The following TMEM45A variants were observed in gnomAD, a reference collection of about 807,000 sequenced individuals.
The protein encoded by TMEM45A is transmembrane protein 45A, also known as DNA polymerase-transactivated protein 4.
Under a neutral mutation model 32.0 loss-of-function variants are expected in TMEM45A, and 25 were observed. The ratio of observed to expected loss-of-function variants is 0.78; its 90% CI spans 0.57 to 1.09. TMEM45A has a LOEUF of 1.09. TMEM45A is among the 50% of genes least tolerant of loss of function. TMEM45A has a pLI of 0.00. For synonymous variants in TMEM45A, 122 were observed against 114.8 expected (o/e 1.06, Z -0.40); for missense variants, 302 against 325.0 (o/e 0.93, Z 0.54).
At chr3:100,561,118 C>T (rs1051324376) in intron 4 of TMEM45A, among the ~76,000 whole-genome samples, 6 of 152,108 alleles carry the variant, frequency 3.9e-5, no homozygotes, top group African/African-American at 1.4e-4. Flanking sequence ...CACACACTGG[C>T]AGGAAATGAA....
intron 1 of TMEM45A, among the ~76,000 whole-genome samples, chr3:100,525,430 T>C (rs542811005): frequency 4.5e-4 from 68 of 152,236 alleles, no homozygotes; most frequent in Non-Finnish European, 8.4e-4. Context: ...TTATGTCTGA[T>C]GGGGGGAAGG....
At chr3:100,562,605 A>G (rs1172766097) in intron 4 of TMEM45A, among the ~76,000 whole-genome samples, 1 of 152,230 alleles carries the variant, frequency 6.6e-6, no homozygotes, top group African/African-American at 2.4e-5. Flanking sequence ...TTCAAAAAGC[A>G]ATTATGAATG....
chr3:100,568,831 G>T lies in TMEM45A; in HGVS notation c.598G>T (p.Val200Phe). 1.2e-6 allele frequency: 2 copies of T among 1,610,938 alleles called. No individual in the cohort carries two copies. The highest frequency in any genetic ancestry group is 1.7e-6 in the Non-Finnish European group (2 of 1,177,926). Reference sequence around the variant, plus strand: ...TTGTTCTAAATTACAGATTGGATTTGTCCTGTATCCCCCCAGTGGAGGTCC... The same window carrying T: ...TTGTTCTAAATTACAGATTGGATTTTTCCTGTATCCCCCCAGTGGAGGTCC... ...QGSWFFQIGFVLYPPSGGPAW... is the reference protein window; with the variant it reads ...QGSWFFQIGFFLYPPSGGPAW... Residue 200 changes from valine to phenylalanine, a missense_variant, in exon 5 of 6, where the codon GTC becomes TTC. Val to Phe is a conservative substitution (Grantham distance 50). Coordinates refer to ENST00000323523, the MANE Select transcript of TMEM45A (RefSeq NM_018004.3).
rs1707864288 is a variant in TMEM45A at position 100,492,755 on chromosome 3, T to TCACCCC, written c.-176_-175insACCCCC. 1 of 143,526 alleles carries TCACCCC rather than the reference T, an allele frequency of 7.0e-6. No homozygotes were observed. Among genetic ancestry groups the TCACCCC allele is most frequent in the African/African-American group, 2.7e-5 (1 of 36,840 alleles). The allele number at this position is 143,526 out of a possible 1,614,324, so 8.9% of individuals were successfully genotyped here. ...CGACTAGGGACCCAAGTTTAAAAATTCCTCCCCCCACCCAATGCGAGACGT... is the reference window on the plus strand; with the variant it reads ...CGACTAGGGACCCAAGTTTAAAAATTCACCCCCCTCCCCCCACCCAATGCGAGACGT... On this transcript the variant is annotated 5_prime_UTR_variant, in exon 1 of 6. Coordinates refer to ENST00000323523, the MANE Select transcript of TMEM45A (RefSeq NM_018004.3).
At chr3:100,518,624 C>T (rs1705349359) in intron 1 of TMEM45A, among the ~76,000 whole-genome samples, 1 of 152,190 alleles carries the variant, frequency 6.6e-6, no homozygotes, top group African/African-American at 2.4e-5. Context: ...AAGAAATGGC[C>T]TTATTGACTG....
At chr3:100,519,055 T>A (rs1559638365) in intron 1 of TMEM45A, 1 of 160,482 alleles carries the variant, frequency 6.2e-6, no homozygotes, top group Non-Finnish European at 1.4e-5. Context: ...CAGATTTACA[T>A]GTCTGATGAC....
chr3:100,550,133 C>T (rs2148975880), intron 1 of TMEM45A, among the ~76,000 whole-genome samples: 1 of 145,548 alleles, frequency 6.9e-6, no homozygotes, highest in Non-Finnish European at 1.5e-5. Context: ...CAGCATGGCA[C>T]ATGTATACAT....
chr3:100,507,492 T>C (rs1242089343), intron 1 of TMEM45A, among the ~76,000 whole-genome samples: 1 of 152,226 alleles, frequency 6.6e-6, no homozygotes, highest in Non-Finnish European at 1.5e-5. Context: ...GATTAGTCTT[T>C]GGGAAAAGTG....
Position 100,558,506 on chromosome 3 carries a change from C to T in TMEM45A, c.505C>T (p.Leu169=). The change falls in exon 4 of 6, where the codon CTA becomes TTA. Residue 169 remains leucine, a synonymous_variant. Coordinates refer to ENST00000323523, the MANE Select transcript of TMEM45A (RefSeq NM_018004.3). ...VVFLTGLVAF[L]EFLVRNNVLL... ...CTTTCTGACAGGCCTCGTTGCCTTC[C>T]TAGAGTTCCTTGTTCGGAACAATGT... 6.2e-7 allele frequency: 1 copy of T among 1,614,120 alleles called. No individual in the cohort carries two copies. The highest frequency in any genetic ancestry group is 8.5e-7 in the Non-Finnish European group (1 of 1,180,002).
chr3:100,551,256 G>A (rs765159781), intron 1 of TMEM45A, among the ~76,000 whole-genome samples: 1 of 152,020 alleles, frequency 6.6e-6, no homozygotes, highest in Non-Finnish European at 1.5e-5. Flanking sequence ...CTCGTGATCC[G>A]CCTGTGTTGG....
chr3:100,556,078 G>A (rs891827552), intron 2 of TMEM45A, among the ~76,000 whole-genome samples: 1 of 152,060 alleles, frequency 6.6e-6, no homozygotes, highest in African/African-American at 2.4e-5. Context: ...TCTGCCTCTG[G>A]GGTTCAAGCA....
At chr3:100,526,692 A>G (rs1017371352) in intron 1 of TMEM45A, among the ~76,000 whole-genome samples, 2 of 152,216 alleles carry the variant, frequency 1.3e-5, no homozygotes, top group African/African-American at 2.4e-5. Context: ...GAAAAAAATT[A>G]TCTGCCAAAA....
At position 100,568,930 on chromosome 3, in the gene TMEM45A, A is replaced by G. The variant is rs1019717919; in HGVS notation, c.697A>G (p.Ile233Val). The G allele has an allele frequency of 1.9e-6, 3 of 1,613,594 alleles. No homozygotes were observed. The highest frequency in any genetic ancestry group is 1.1e-5 in the South Asian group (1 of 90,948). The change falls in exon 5 of 6, where the codon ATT (isoleucine) becomes GTT (valine). Residue 233 changes from isoleucine to valine, a missense_variant. By Grantham distance (29) the Ile-to-Val change is conservative (BLOSUM62 3). Transcript: ENST00000323523. ...CTTTTGTTGGCATTATGCAGTAACC[A>G]TTGTCATCGTTGGAATGAATTATGC... The part of the protein sequence containing the change: ...ICFCWHYAVT[I>V]VIVGMNYAFI...
chr3:100,551,302 T>C (rs914536945), intron 1 of TMEM45A, among the ~76,000 whole-genome samples: 2 of 152,110 alleles, frequency 1.3e-5, no homozygotes, highest in African/African-American at 4.8e-5. Flanking sequence ...CTTGAGCCAC[T>C]GCGCCCGGCC....
At chr3:100,534,127 C>G (rs781135230) in intron 1 of TMEM45A, among the ~76,000 whole-genome samples, 7 of 152,128 alleles carry the variant, frequency 4.6e-5, no homozygotes, top group South Asian at 2.1e-4. Flanking sequence ...CTCTTCTTCC[C>G]CTCTTCTGTT....
chr3:100,557,929 G>A (rs1460458272), intron 3 of TMEM45A, among the ~76,000 whole-genome samples: 1 of 152,138 alleles, frequency 6.6e-6, no homozygotes, highest in Non-Finnish European at 1.5e-5. Flanking sequence ...TCCTCCAGTG[G>A]ACTGAATTCC....
At chr3:100,496,190 C>T (rs1707923516) in intron 1 of TMEM45A, among the ~76,000 whole-genome samples, 1 of 152,160 alleles carries the variant, frequency 6.6e-6, no homozygotes, top group African/African-American at 2.4e-5. Flanking sequence ...CCCTTTTTCT[C>T]TCAGATAATC....
At chr3:100,502,205 A>G (rs1187939508) in intron 1 of TMEM45A, among the ~76,000 whole-genome samples, 1 of 146,068 alleles carries the variant, frequency 6.8e-6, no homozygotes, top group Non-Finnish European at 1.5e-5. Context: ...ATGTCTAGGT[A>G]TGGATCTTTT....
intron 3 of TMEM45A, among the ~76,000 whole-genome samples, chr3:100,558,071 TA>T (rs1442018373): frequency 2.0e-5 from 3 of 152,242 alleles, no homozygotes; most frequent in African/African-American, 4.8e-5. Context: ...AACTTCGTCT[TA>T]ATCCTTTTCA....
Sources: gnomAD v4.1 joint callset for allele counts (sites outside exome capture counted in the v4.1 genomes callset) on GRCh38, gnomAD v4.1.1 for gene constraint, MANE v1.5 for transcripts, NCBI Gene and HGNC (gene_info 2026-07-23, HGNC 2026-07-21) for gene names.